The following RPS6KC1 variants were observed in gnomAD, a reference collection of about 807,000 sequenced individuals.
The protein encoded by RPS6KC1 is inactive ribosomal protein S6 kinase delta-1.
In RPS6KC1, 54 loss-of-function variants were observed where a neutral mutation model predicts 103.8. That is an observed-to-expected ratio of 0.52 (90% CI 0.42 to 0.65). RPS6KC1 has a LOEUF of 0.65. Ranked by LOEUF, RPS6KC1 falls within the 30% of genes least tolerant of loss-of-function variation. The pLI is 0.00. For synonymous variants in RPS6KC1, 439 were observed against 438.7 expected, an observed-to-expected ratio of 1.00 and a Z score of -0.01; for missense variants, 1,151 against 1,253.8, an observed-to-expected ratio of 0.92 and a Z score of 1.24.
intron 3 of RPS6KC1, among the ~76,000 whole-genome samples, chr1:213,089,066 T>C (rs1162578302): frequency 6.6e-6 from 1 of 152,226 alleles, no homozygotes; most frequent in Non-Finnish European, 1.5e-5. Flanking sequence ...TTTTTTAATA[T>C]CTTGAGATAT....
At chr1:213,770,146 G>A in the RPS6KC1 span, among the ~76,000 whole-genome samples, 1 of 152,122 alleles carries the variant, frequency 6.6e-6, no homozygotes, top group East Asian at 1.9e-4. Context: ...TCCTGATTCT[G>A]GCCATTTCCC....
intron 12 of RPS6KC1, among the ~76,000 whole-genome samples, chr1:213,256,578 A>G (rs1198510766): frequency 6.6e-6 from 1 of 151,552 alleles, no homozygotes; most frequent in African/African-American, 2.4e-5. Context: ...ATGTTTTAAG[A>G]AAGTTTACAA....
the RPS6KC1 span, among the ~76,000 whole-genome samples, chr1:213,512,595 A>G: frequency 1.3e-5 from 2 of 152,200 alleles, no homozygotes; most frequent in Non-Finnish European, 2.9e-5. Flanking sequence ...GGGTTGGTGG[A>G]CTTCAGTGCT....
chr1:213,340,471 C>T, the RPS6KC1 span, among the ~76,000 whole-genome samples: 5 of 151,998 alleles, frequency 3.3e-5, no homozygotes, highest in African/African-American at 1.2e-4. Context: ...GCAAGTCTTG[C>T]GTAAAGATGC....
At chr1:213,252,586 A>AAAT (rs1165508855) in intron 12 of RPS6KC1, among the ~76,000 whole-genome samples, 1 of 152,026 alleles carries the variant, frequency 6.6e-6, no homozygotes, top group Admixed American at 6.5e-5. Flanking sequence ...ATGTTGTCTT[A>AAAT]TTTACCAGAG....
chr1:213,242,598 T>G lies in RPS6KC1; in HGVS notation c.2851T>G (p.Trp951Gly). 1.2e-6 allele frequency: 2 copies of G among 1,612,646 alleles called. No homozygotes were observed. Among genetic ancestry groups the G allele is most frequent in the Non-Finnish European group, 1.7e-6 (2 of 1,179,226 alleles). Reference sequence around the variant, plus strand: ...CATTCAGCTAACGTATTTTAGCAGGTGGAGTGAGGTTGAAGATTCCTGTGA... The same window carrying G: ...CATTCAGCTAACGTATTTTAGCAGGGGGAGTGAGGTTGAAGATTCCTGTGA... ...GHIQLTYFSR[W>G]SEVEDSCDSD... is the part of the protein sequence containing the mutation. Residue 951 changes from tryptophan to glycine, a missense_variant, in exon 12 of 15, where the codon TGG becomes GGG. Physicochemically the swap from Trp to Gly is radical, Grantham distance 184. Around this residue, in one of 3 missense-constraint regions of RPS6KC1, gnomAD observed 189 missense variants for 228.8 expected, o/e 0.83. Coordinates refer to ENST00000366960, the MANE Select transcript of RPS6KC1 (RefSeq NM_012424.6).
chr1:213,424,007 A>G, the RPS6KC1 span, among the ~76,000 whole-genome samples: 1 of 152,250 alleles, frequency 6.6e-6, no homozygotes. Context: ...TGTCAGGGAT[A>G]CATGCAAAGC....
At chr1:213,119,029 T>C (rs1258845118) in intron 5 of RPS6KC1, among the ~76,000 whole-genome samples, 1 of 152,002 alleles carries the variant, frequency 6.6e-6, no homozygotes, top group African/African-American at 2.4e-5. Context: ...CCTCGGAAGG[T>C]GACTTTTCTG....
At chr1:213,145,584 A>C (rs1183780982) in intron 6 of RPS6KC1, among the ~76,000 whole-genome samples, 1 of 152,136 alleles carries the variant, frequency 6.6e-6, no homozygotes, top group Non-Finnish European at 1.5e-5. Flanking sequence ...AGCTGGGAAT[A>C]GTGTCTTCCT....
the RPS6KC1 span, among the ~76,000 whole-genome samples, chr1:213,505,234 G>GA: frequency 1.3e-5 from 2 of 152,030 alleles, no homozygotes; most frequent in African/African-American, 4.8e-5. Flanking sequence ...CAGTTTCAGG[G>GA]AGAAAAAAAG....
intron 7 of RPS6KC1, among the ~76,000 whole-genome samples, chr1:213,171,328 TAACTG>T (rs2091460479): frequency 1.3e-5 from 2 of 151,984 alleles, no homozygotes; most frequent in South Asian, 2.1e-4. Flanking sequence ...GGTTGAATCT[TAACTG>T]AAGGAGACAG....
the RPS6KC1 span, among the ~76,000 whole-genome samples, chr1:213,588,603 T>C: frequency 6.6e-6 from 1 of 152,042 alleles, no homozygotes; most frequent in Non-Finnish European, 1.5e-5. Flanking sequence ...CCGGCCTCTG[T>C]CTCTTAATAC....
At chr1:213,549,188 A>T in the RPS6KC1 span, among the ~76,000 whole-genome samples, 2 of 152,162 alleles carry the variant, frequency 1.3e-5, no homozygotes, top group East Asian at 3.9e-4. Flanking sequence ...TGAATCCAAA[A>T]CTGACTGGGG....
the RPS6KC1 span, among the ~76,000 whole-genome samples, chr1:213,444,021 T>C: frequency 6.6e-6 from 1 of 152,170 alleles, no homozygotes; most frequent in African/African-American, 2.4e-5. Context: ...ATGCTAGAAG[T>C]CCAAGATCAA....
At chr1:213,113,598 C>T (rs1001683474) in intron 4 of RPS6KC1, among the ~76,000 whole-genome samples, 5 of 151,544 alleles carry the variant, frequency 3.3e-5, no homozygotes, top group African/African-American at 9.7e-5. Flanking sequence ...CTTTTGTTGA[C>T]ATTGCTTTTG....
chr1:213,307,208 T>G, the RPS6KC1 span, among the ~76,000 whole-genome samples: 1 of 152,022 alleles, frequency 6.6e-6, no homozygotes, highest in South Asian at 2.1e-4. Flanking sequence ...GGACTACAGG[T>G]GCCCGCCACC....
At chr1:213,135,611 T>C (rs1391583040) in intron 6 of RPS6KC1, among the ~76,000 whole-genome samples, 3 of 152,230 alleles carry the variant, frequency 2.0e-5, no homozygotes, top group Non-Finnish European at 4.4e-5. Context: ...TTTCAGATCT[T>C]AACTGTTTTG....
the RPS6KC1 span, among the ~76,000 whole-genome samples, chr1:213,851,637 A>G: frequency 6.6e-6 from 1 of 151,572 alleles, no homozygotes; most frequent in African/African-American, 2.4e-5. Flanking sequence ...TTCAAACCCC[A>G]CTCTTAAATC....
At chr1:213,590,724 A>T in the RPS6KC1 span, among the ~76,000 whole-genome samples, 1 of 152,124 alleles carries the variant, frequency 6.6e-6, no homozygotes, top group Admixed American at 6.5e-5. Flanking sequence ...ATTTCCAGAG[A>T]GGACTAACAT....
Sources: allele counts gnomAD v4.1 joint callset (sites outside exome capture counted in the v4.1 genomes callset), GRCh38; gene constraint gnomAD v4.1.1; regional missense constraint gnomAD v4.1.1; transcripts MANE v1.5; gene names NCBI Gene and HGNC (gene_info 2026-07-23, HGNC 2026-07-21).